MYO3B: variants seen among roughly 807,000 people sequenced by gnomAD.
The protein encoded by MYO3B is myosin-IIIb.
In MYO3B, 156 loss-of-function variants were observed where a neutral mutation model predicts 174.6. The ratio of observed to expected loss-of-function variants is 0.89; its 90% CI spans 0.78 to 1.02. The LOEUF (loss-of-function observed/expected upper bound fraction) is 1.02. Among genes scored for constraint, MYO3B ranks in the 50% least tolerant of loss-of-function variants. MYO3B has a pLI of 0.00. For missense variants in MYO3B, 1,632 were observed against 1,639.4 expected, an observed-to-expected ratio of 1.00 and a Z score of 0.08; for synonymous variants, 563 against 569.1, an observed-to-expected ratio of 0.99 and a Z score of 0.15.
chr2:170,305,590 A>G (rs988244641), intron 7 of MYO3B, among the ~76,000 whole-genome samples: 2 of 152,110 alleles, frequency 1.3e-5, no homozygotes, highest in African/African-American at 4.8e-5. Flanking sequence ...CTGCTAATTA[A>G]TGCCTTCCCA....
rs71412032 is a variant in MYO3B, at chr2:170,619,737, C to CTTTTTTTTTTTTTTTTTTTTTTTT, written c.3734-31887_3734-31864dup. On this transcript the variant is annotated intron_variant, in intron 32 of 34. Transcript: ENST00000408978. ...GATGGCCCATCACTGCTGCCATATT[C>CTTTTTTTTTTTTTTTTTTTTTTTT]TTTTTTTTTTTTTTTTTTTTTTTTT... Among the ~76,000 whole-genome samples the CTTTTTTTTTTTTTTTTTTTTTTTT allele has an allele frequency of 2.2e-4, 11 of 50,778 alleles. 3 individuals are homozygous for CTTTTTTTTTTTTTTTTTTTTTTTT. Among genetic ancestry groups the CTTTTTTTTTTTTTTTTTTTTTTTT allele is most frequent in the African/African-American group, 2.5e-4 (3 of 12,076 alleles). 33.3% of individuals were successfully genotyped at this position (50,778 alleles called of 152,430 possible). A position where few individuals can be genotyped will look rare whatever the true frequency, so the allele number is the denominator to read the frequency against.
At chr2:170,184,258 G>A (rs1398701942) in intron 1 of MYO3B, among the ~76,000 whole-genome samples, 3 of 151,684 alleles carry the variant, frequency 2.0e-5, no homozygotes, top group Non-Finnish European at 4.4e-5. Flanking sequence ...GTTGATTGTA[G>A]TCATCCCTTT....
At chr2:170,575,338 G>T (rs930818517) in intron 32 of MYO3B, among the ~76,000 whole-genome samples, 3 of 151,898 alleles carry the variant, frequency 2.0e-5, no homozygotes, top group Non-Finnish European at 2.9e-5. Flanking sequence ...TCTATCAGGG[G>T]TCAGCAAATA....
Position 170,436,702 on chromosome 2 carries a change from C to T in MYO3B, c.2651-7265C>T, listed in dbSNP as rs549293043. ...GTAAAAATGCAAACAAATCTCTTCA[C>T]ACACTTGGTTTGGGGGAAGAACAAT... On this transcript the variant is annotated intron_variant, in intron 22 of 34. Coordinates refer to ENST00000408978, the MANE Select transcript of MYO3B (RefSeq NM_138995.5). 3.3e-5 allele frequency among the ~76,000 whole-genome samples: 5 copies of T among 152,300 alleles called. No individual in the cohort carries two copies. The South Asian group carries it at 1.0e-3, about 32-fold the overall frequency.
At position 170,217,930 on chromosome 2, in the gene MYO3B, G is replaced by A. The variant is rs116116921; in HGVS notation, c.603+535G>A. Among the ~76,000 whole-genome samples, 928 of 152,284 alleles carry A rather than the reference G, an allele frequency of 6.1e-3. 5 individuals are homozygous for A. The highest frequency in any genetic ancestry group is 0.011 in the Admixed American group (163 of 15,300). ...ATCACAGAACTCTCTGGAAAATGACGCATGTAGAAGTTTGGGGAACCTTCC... is the reference window on the plus strand; with the variant it reads ...ATCACAGAACTCTCTGGAAAATGACACATGTAGAAGTTTGGGGAACCTTCC... On this transcript the variant is annotated intron_variant, in intron 6 of 34. Coordinates refer to ENST00000408978, the MANE Select transcript of MYO3B (RefSeq NM_138995.5).
chr2:170,414,419 C>T (rs1422245361), intron 22 of MYO3B, among the ~76,000 whole-genome samples: 1 of 152,166 alleles, frequency 6.6e-6, no homozygotes, highest in African/African-American at 2.4e-5. Flanking sequence ...GAACTCCTGA[C>T]CTCATGATCC....
At chr2:170,466,824 A>G in intron 25 of MYO3B, 113 bp downstream of exon 25, 1 of 1,042,746 alleles carries the variant, frequency 9.6e-7, no homozygotes, top group East Asian at 2.5e-5. Flanking sequence ...GTAATTGGCT[A>G]GTTGCCAGCT....
At chr2:170,481,244 A>C (rs1360476045) in intron 25 of MYO3B, among the ~76,000 whole-genome samples, 1 of 152,226 alleles carries the variant, frequency 6.6e-6, no homozygotes, top group Non-Finnish European at 1.5e-5. Context: ...AACAGATCTT[A>C]ATGTGTCATC....
rs1389930121 is a variant in MYO3B at position 170,382,638 on chromosome 2, A to G, written c.1069-435A>G. The stretch of plus-strand genomic sequence containing the variant: ...TCAATGTCTAAATCACTAAAGTGTA[A>G]TACAAAGTGGTTAATTCTGTATTTA... On this transcript the variant is annotated intron_variant, in intron 10 of 34. Coordinates refer to ENST00000408978, the MANE Select transcript of MYO3B (RefSeq NM_138995.5). 1.7e-5 allele frequency: 3 copies of G among 175,374 alleles called. No homozygotes were observed. The East Asian group carries it at 4.3e-4, about 25-fold the overall frequency. The allele number at this position is 175,374 out of a possible 1,614,324, so 10.9% of individuals were successfully genotyped here.
intron 32 of MYO3B, among the ~76,000 whole-genome samples, chr2:170,547,566 A>C (rs1428034962): frequency 6.6e-6 from 1 of 152,192 alleles, no homozygotes; most frequent in Non-Finnish European, 1.5e-5. Context: ...TTATTTATTC[A>C]AAAAATAATT....
intron 22 of MYO3B, among the ~76,000 whole-genome samples, chr2:170,435,660 A>G (rs1363845292): frequency 2.6e-5 from 4 of 152,104 alleles, no homozygotes; most frequent in Admixed American, 2.6e-4. Context: ...ACTGCTCCTT[A>G]TCTTTGTAGC....
At chr2:170,408,252 A>G (rs1159966736) in intron 22 of MYO3B, among the ~76,000 whole-genome samples, 1 of 152,208 alleles carries the variant, frequency 6.6e-6, no homozygotes, top group Non-Finnish European at 1.5e-5. Context: ...AGTGTGTTGA[A>G]TCAGAGTTCA....
chr2:170,621,042 C>G (rs1022005724), intron 32 of MYO3B, among the ~76,000 whole-genome samples: 1 of 152,094 alleles, frequency 6.6e-6, no homozygotes, highest in Admixed American at 6.5e-5. Context: ...GCACCCGCCA[C>G]TGTGCCTGGC....
chr2:170,501,627 T>G (rs1379431278), intron 27 of MYO3B, among the ~76,000 whole-genome samples, 158 bp from the exon 28 acceptor site: 1 of 152,090 alleles, frequency 6.6e-6, no homozygotes, highest in Non-Finnish European at 1.5e-5. Flanking sequence ...AGGCCTCTCT[T>G]CTCGCCATAG....
rs1011514470 is a variant in MYO3B, at chr2:170,375,551, G to A, written c.971+6174G>A. Among the ~76,000 whole-genome samples, 9 of 151,026 alleles carry A rather than the reference G, an allele frequency of 6.0e-5. No individual in the cohort carries two copies. In the South Asian group the frequency reaches 8.4e-4, roughly 14 times the overall value. On this transcript the variant is annotated intron_variant, in intron 9 of 34. Coordinates refer to ENST00000408978, the MANE Select transcript of MYO3B (RefSeq NM_138995.5). ...GCTCTGTTTAATGGGTTGTCATGTC[G>A]CCCTTGCAATTTGCCTGAGGCTGAT...
chr2:170,378,147 G>T (rs970317234), intron 9 of MYO3B, among the ~76,000 whole-genome samples: 1 of 151,946 alleles, frequency 6.6e-6, no homozygotes. Context: ...ACAACGTAAC[G>T]CTTTTTATAA....
intron 3 of MYO3B, among the ~76,000 whole-genome samples, chr2:170,209,768 A>G (rs1423397135): frequency 6.6e-6 from 1 of 152,238 alleles, no homozygotes; most frequent in African/African-American, 2.4e-5. Context: ...CTTAATTATG[A>G]TGATAGCATA....
chr2:170,353,374 A>G (rs2094092487), intron 8 of MYO3B, among the ~76,000 whole-genome samples: 1 of 148,266 alleles, frequency 6.7e-6, no homozygotes, highest in Non-Finnish European at 1.5e-5. Context: ...TGGAGACAGT[A>G]TGGAGATCAG....
At chr2:170,190,574 C>T (rs1042214579) in intron 1 of MYO3B, among the ~76,000 whole-genome samples, 1 of 152,034 alleles carries the variant, frequency 6.6e-6, no homozygotes, top group Non-Finnish European at 1.5e-5. Context: ...AAGACAAAGT[C>T]CTTCCCACTC....
Sources: allele counts gnomAD v4.1 joint callset (sites outside exome capture counted in the v4.1 genomes callset), GRCh38; gene constraint gnomAD v4.1.1; transcripts MANE v1.5; gene names NCBI Gene and HGNC (gene_info 2026-07-23, HGNC 2026-07-21).